The following PTPRG variants were observed in gnomAD, a reference collection of about 807,000 sequenced individuals.
PTPRG encodes receptor-type tyrosine-protein phosphatase gamma.
A neutral mutation model predicts 165.3 loss-of-function variants in PTPRG; 102 were observed. The observed-to-expected ratio is 0.62, with a 90% confidence interval of 0.53 to 0.73. The LOEUF (loss-of-function observed/expected upper bound fraction) is 0.73. PTPRG is among the 30% of genes least tolerant of loss of function. The pLI, the probability that PTPRG is intolerant of heterozygous loss-of-function variation, is 0.00. For synonymous variants in PTPRG, 675 were observed against 669.5 expected (o/e 1.01, Z -0.13); for missense variants, 1,866 against 1,861.4 (o/e 1.00, Z -0.05).
At chr3:62,146,747 C>A (rs1704137869) in intron 6 of PTPRG, among the ~76,000 whole-genome samples, 1 of 152,064 alleles carries the variant, frequency 6.6e-6, no homozygotes, top group African/African-American at 2.4e-5. Context: ...TTCTCTGTTG[C>A]AACTACTCAA....
In PTPRG at chr3:62,003,319, T is replaced by C. The variant is rs368752966; in HGVS notation, c.371-30T>C. 78 of 1,591,924 alleles carry C rather than the reference T, an allele frequency of 4.9e-5. No individual in the cohort carries two copies. The African/African-American group carries it at 1.0e-3, about 20-fold the overall frequency. On this transcript the variant is annotated intron_variant, in intron 3 of 29. Transcript: ENST00000474889. ...CCATTTGGTTTTGAAACTCACTTTG[T>C]TTTCCTCTCTTCTCATTTGTTTCAC...
At chr3:62,109,757 C>G (rs1004938396) in intron 5 of PTPRG, among the ~76,000 whole-genome samples, 1 of 152,192 alleles carries the variant, frequency 6.6e-6, no homozygotes, top group African/African-American at 2.4e-5. Flanking sequence ...GCTCTCAAAA[C>G]AGCTGCAGCC....
At chr3:62,123,633 A>G (rs975927784) in intron 5 of PTPRG, among the ~76,000 whole-genome samples, 2 of 152,138 alleles carry the variant, frequency 1.3e-5, no homozygotes, top group African/African-American at 4.8e-5. Context: ...CTTTTATAAA[A>G]AGTTTATCAT....
At chr3:61,686,160 G>A (rs970012999) in intron 1 of PTPRG, among the ~76,000 whole-genome samples, 7 of 152,140 alleles carry the variant, frequency 4.6e-5, no homozygotes, top group African/African-American at 1.7e-4. Context: ...AGGAAACTGA[G>A]TGTTAGAGAA....
chr3:61,878,379 G>A (rs1254846112), intron 2 of PTPRG, among the ~76,000 whole-genome samples: 1 of 152,116 alleles, frequency 6.6e-6, no homozygotes, highest in African/African-American at 2.4e-5. Flanking sequence ...TGATTTCTGA[G>A]TCAGGATAAG....
intron 1 of PTPRG, among the ~76,000 whole-genome samples, chr3:61,612,227 T>C (rs1701190906): frequency 6.6e-6 from 1 of 152,188 alleles, no homozygotes; most frequent in South Asian, 2.1e-4. Context: ...ATTACAGGTG[T>C]GAGCTACCAC....
chr3:62,279,870 G>A (rs946911160), intron 26 of PTPRG, among the ~76,000 whole-genome samples: 7 of 151,940 alleles, frequency 4.6e-5, no homozygotes, highest in Non-Finnish European at 7.4e-5. Context: ...ATAGTAGCTA[G>A]GCATCCTCAG....
At chr3:62,034,590 G>A (rs1559758718) in intron 4 of PTPRG, among the ~76,000 whole-genome samples, 1 of 152,168 alleles carries the variant, frequency 6.6e-6, no homozygotes, top group Non-Finnish European at 1.5e-5. Flanking sequence ...GTTACACTTA[G>A]AGGTAGATAT....
intron 2 of PTPRG, among the ~76,000 whole-genome samples, chr3:61,973,607 G>A (rs548908416): frequency 2.0e-5 from 3 of 152,216 alleles, no homozygotes; most frequent in South Asian, 2.1e-4. Context: ...TGAGGCAGGC[G>A]AATCACTTGA....
intron 6 of PTPRG, among the ~76,000 whole-genome samples, chr3:62,135,495 C>A (rs1031619797): frequency 6.6e-6 from 1 of 151,982 alleles, no homozygotes; most frequent in African/African-American, 2.4e-5. Flanking sequence ...TTCTTCAGCT[C>A]TGGGAATCAT....
At chr3:61,606,153 G>A (rs925966889) in intron 1 of PTPRG, among the ~76,000 whole-genome samples, 2 of 152,332 alleles carry the variant, frequency 1.3e-5, no homozygotes, top group African/African-American at 4.8e-5. Context: ...GCTGAAATTA[G>A]GGTGCCAGCC....
chr3:61,720,509 C>G (rs1423235341), intron 1 of PTPRG, among the ~76,000 whole-genome samples: 1 of 152,142 alleles, frequency 6.6e-6, no homozygotes, highest in African/African-American at 2.4e-5. Context: ...TGAATAATCA[C>G]AATATCTGAA....
intron 8 of PTPRG, among the ~76,000 whole-genome samples, chr3:62,191,066 C>T (rs61183915): frequency 0.073 from 11,053 of 152,112 alleles, 1,268 homozygotes; most frequent in African/African-American, 0.25. Flanking sequence ...TGTGTGTGCG[C>T]ATGTGCATCT....
chr3:61,896,871 G>A (rs1168168290), intron 2 of PTPRG, among the ~76,000 whole-genome samples: 2 of 151,482 alleles, frequency 1.3e-5, no homozygotes, highest in African/African-American at 4.9e-5. Context: ...GTCGTCTTTG[G>A]TGAACTATTC....
intron 2 of PTPRG, among the ~76,000 whole-genome samples, chr3:61,778,590 C>T (rs2034453872): frequency 6.6e-6 from 1 of 151,956 alleles, no homozygotes; most frequent in South Asian, 2.1e-4. Flanking sequence ...GGTTCCCTGC[C>T]CCCAGACCCT....
chr3:62,070,321 T>C (rs542270197), intron 4 of PTPRG, among the ~76,000 whole-genome samples: 1 of 152,332 alleles, frequency 6.6e-6, no homozygotes, highest in South Asian at 2.1e-4. Flanking sequence ...GCAGTTTAAA[T>C]TCCTTCATTC....
intron 2 of PTPRG, among the ~76,000 whole-genome samples, chr3:61,802,901 T>A (rs2035292024): frequency 6.6e-6 from 1 of 152,188 alleles, no homozygotes; most frequent in African/African-American, 2.4e-5. Flanking sequence ...AAAAACACAT[T>A]TGCTGGCCAA....
intron 1 of PTPRG, among the ~76,000 whole-genome samples, chr3:61,658,833 A>G (rs1039524610): frequency 2.0e-5 from 3 of 152,202 alleles, no homozygotes; most frequent in Non-Finnish European, 4.4e-5. Context: ...CCAGAAAAAG[A>G]CCATCTTCAA....
intron 8 of PTPRG, among the ~76,000 whole-genome samples, chr3:62,180,337 AC>A (rs1260293407): frequency 1.3e-5 from 2 of 152,252 alleles, no homozygotes; most frequent in African/African-American, 4.8e-5. Context: ...AGTAAAGGGG[AC>A]TACAACATTG....
Sources: allele counts gnomAD v4.1 joint callset (sites outside exome capture counted in the v4.1 genomes callset), GRCh38; gene constraint gnomAD v4.1.1; transcripts MANE v1.5; gene names NCBI Gene and HGNC (gene_info 2026-07-23, HGNC 2026-07-21).